Variants in BRINP1 observed in about 807,000 individuals in gnomAD.
BRINP1 encodes BMP/retinoic acid inducible neural specific 1.
In BRINP1, 17 loss-of-function variants were observed where a neutral mutation model predicts 72.9. The ratio of observed to expected loss-of-function variants is 0.23; its 90% CI spans 0.16 to 0.35. The LOEUF is 0.35. Among genes scored for constraint, BRINP1 ranks in the 10% least tolerant of loss-of-function variants. The pLI, the probability that BRINP1 is intolerant of heterozygous loss-of-function variation, is 1.00. For missense variants in BRINP1, 850 were observed against 1,001.6 expected, an observed-to-expected ratio of 0.85 and a Z score of 2.04; for synonymous variants, 418 against 378.5, an observed-to-expected ratio of 1.10 and a Z score of -1.21.
chr9:119,188,007 G>A (rs1011261657), intron 7 of BRINP1, among the ~76,000 whole-genome samples: 5 of 152,138 alleles, frequency 3.3e-5, no homozygotes. Flanking sequence ...AAATAGCCCA[G>A]TAAAGGGGGA....
At chr9:119,324,339 T>C (rs1831217834) in intron 1 of BRINP1, among the ~76,000 whole-genome samples, 1 of 152,216 alleles carries the variant, frequency 6.6e-6, no homozygotes, top group Admixed American at 6.5e-5. Flanking sequence ...GCACAGTGGG[T>C]TCTGTTTTTC....
At chr9:119,179,239 A>G (rs1467465039) in intron 7 of BRINP1, among the ~76,000 whole-genome samples, 1 of 152,186 alleles carries the variant, frequency 6.6e-6, no homozygotes, top group African/African-American at 2.4e-5. Context: ...CTCTGTCCCT[A>G]AGGATCCAAA....
intron 5 of BRINP1, among the ~76,000 whole-genome samples, chr9:119,218,358 T>C (rs988041996): frequency 6.6e-6 from 1 of 151,890 alleles, no homozygotes; most frequent in African/African-American, 2.4e-5. Flanking sequence ...TTGGTCAGGA[T>C]GGTTTTGAGC....
At chr9:119,205,211 G>C (rs1264619555) in intron 7 of BRINP1, among the ~76,000 whole-genome samples, 1 of 152,160 alleles carries the variant, frequency 6.6e-6, no homozygotes, top group Non-Finnish European at 1.5e-5. Flanking sequence ...CATCTCTCCT[G>C]GGAAGGCTTC....
At chr9:119,268,285 T>TAGATAGAC (rs71382946) in intron 2 of BRINP1, among the ~76,000 whole-genome samples, 11,444 of 148,530 alleles carry the variant, frequency 0.077, 587 homozygotes, top group South Asian at 0.13. Flanking sequence ...GATAGATAGA[T>TAGATAGAC]AGATAGATAG....
chr9:119,208,958 G>T lies in BRINP1; in HGVS notation c.923-17C>A. On this transcript the variant is annotated splice_polypyrimidine_tract_variant and intron_variant, in intron 6 of 7. Coordinates refer to ENST00000265922, the MANE Select transcript of BRINP1 (RefSeq NM_014618.3). ...TAAACTCATCTAGTGAGAGACAAAG[G>T]CCGAGAGAGAAGGGCTAAGCATGAT... 6.2e-7 allele frequency: 1 copy of T among 1,601,012 alleles called. No individual in the cohort carries two copies. The highest frequency in any genetic ancestry group is 8.6e-7 in the Non-Finnish European group (1 of 1,168,236).
At chr9:119,241,364 C>T (rs532537555) in intron 4 of BRINP1, among the ~76,000 whole-genome samples, 6 of 152,290 alleles carry the variant, frequency 3.9e-5, no homozygotes, top group Admixed American at 3.9e-4. Flanking sequence ...TATTGGAATA[C>T]AGCCATGCCC....
intron 7 of BRINP1, among the ~76,000 whole-genome samples, chr9:119,172,765 TC>T (rs1829431453): frequency 1.3e-5 from 2 of 151,882 alleles, no homozygotes; most frequent in Non-Finnish European, 2.9e-5. Context: ...CAGCAACACA[TC>T]AAAAAGCTTA....
At chr9:119,231,823 C>T (rs942121464) in intron 5 of BRINP1, among the ~76,000 whole-genome samples, 15 of 152,012 alleles carry the variant, frequency 9.9e-5, no homozygotes, top group Non-Finnish European at 4.4e-5. Flanking sequence ...ATTCTATCAT[C>T]GCAACTTTTA....
chr9:119,292,763 G>T (rs927345536), intron 2 of BRINP1, among the ~76,000 whole-genome samples: 4 of 152,136 alleles, frequency 2.6e-5, no homozygotes, highest in Non-Finnish European at 4.4e-5. Flanking sequence ...ACCCTCAAAG[G>T]TCTGCAAGAT....
intron 7 of BRINP1, among the ~76,000 whole-genome samples, chr9:119,185,319 A>G (rs1829605500): frequency 6.6e-6 from 1 of 152,210 alleles, no homozygotes; most frequent in Non-Finnish European, 1.5e-5. Context: ...AACACACAAC[A>G]ACAAAATATG....
intron 3 of BRINP1, 66 bp from the exon 4 acceptor site, chr9:119,242,282 A>G: frequency 7.7e-7 from 1 of 1,297,566 alleles, no homozygotes; most frequent in Admixed American, 2.2e-5. Flanking sequence ...CAGGGATGGG[A>G]CCTGGATGCT....
intron 2 of BRINP1, among the ~76,000 whole-genome samples, chr9:119,273,494 G>C (rs1830626819): frequency 6.6e-6 from 1 of 152,182 alleles, no homozygotes; most frequent in African/African-American, 2.4e-5. Context: ...GGAGCAACGT[G>C]AGCAAGGCAG....
intron 2 of BRINP1, chr9:119,283,079 G>A (rs2118964576): frequency 1.0e-6 from 1 of 985,416 alleles, no homozygotes; most frequent in Middle Eastern, 5.2e-4. Flanking sequence ...GGTAGAAAGA[G>A]GACCAGACTA....
chr9:119,287,060 G>GAA (rs59653231), intron 2 of BRINP1, among the ~76,000 whole-genome samples: 59 of 115,176 alleles, frequency 5.1e-4, no homozygotes, highest in African/African-American at 1.3e-3. Context: ...TAGAAGGAAA[G>GAA]AAAAAAAAAA....
intron 1 of BRINP1, among the ~76,000 whole-genome samples, chr9:119,331,755 T>A (rs1370017541): frequency 6.6e-6 from 1 of 152,206 alleles, no homozygotes; most frequent in Non-Finnish European, 1.5e-5. Flanking sequence ...AATTCACTAT[T>A]TCCATCCCCT....
chr9:119,189,866 A>G (rs920360942), intron 7 of BRINP1, among the ~76,000 whole-genome samples: 2 of 152,078 alleles, frequency 1.3e-5, no homozygotes, highest in African/African-American at 2.4e-5. Flanking sequence ...TCAGCAGACT[A>G]TACATTCATT....
chr9:119,227,434 G>C (rs1830103200), intron 5 of BRINP1, among the ~76,000 whole-genome samples: 1 of 152,024 alleles, frequency 6.6e-6, no homozygotes, highest in South Asian at 2.1e-4. Flanking sequence ...CATAGAACAA[G>C]GTGCTCCTAT....
At chr9:119,215,158 G>T (rs1829965694) in intron 5 of BRINP1, among the ~76,000 whole-genome samples, 1 of 152,148 alleles carries the variant, frequency 6.6e-6, no homozygotes, top group South Asian at 2.1e-4. Flanking sequence ...CTAACAGTGA[G>T]GAAGCCATGG....
Sources: allele counts gnomAD v4.1 joint callset (sites outside exome capture counted in the v4.1 genomes callset), GRCh38; gene constraint gnomAD v4.1.1; transcripts MANE v1.5; gene names NCBI Gene and HGNC (gene_info 2026-07-23, HGNC 2026-07-21).